SLX4IP: variants seen among roughly 807,000 people sequenced by gnomAD.
SLX4IP encodes the protein SLX4 interacting protein.
A neutral mutation model predicts 32.9 loss-of-function variants in SLX4IP; 34 were observed. That is an observed-to-expected ratio of 1.03 (90% CI 0.79 to 1.38). SLX4IP has a LOEUF of 1.38. SLX4IP is among the 40% of genes most tolerant of loss of function. SLX4IP has a pLI of 0.00. For synonymous variants in SLX4IP, 172 were observed against 171.7 expected, an observed-to-expected ratio of 1.00 and a Z score of -0.01; for missense variants, 444 against 479.0, an observed-to-expected ratio of 0.93 and a Z score of 0.68.
chr20:10,525,110 A>G (rs1361013097), intron 2 of SLX4IP, among the ~76,000 whole-genome samples: 1 of 152,232 alleles, frequency 6.6e-6, no homozygotes, highest in African/African-American at 2.4e-5. Context: ...AATCTTTACA[A>G]TCTGATCCAG....
At chr20:10,607,948 C>T (rs2066922884) in intron 6 of SLX4IP, among the ~76,000 whole-genome samples, 1 of 152,194 alleles carries the variant, frequency 6.6e-6, no homozygotes, top group Admixed American at 6.5e-5. Context: ...CCTCCCACCA[C>T]TGCCATTCCT....
chr20:10,478,056 G>A (rs922375950), intron 2 of SLX4IP, among the ~76,000 whole-genome samples: 9 of 151,860 alleles, frequency 5.9e-5, no homozygotes, highest in Admixed American at 3.3e-4. Context: ...ACTCTGCCAC[G>A]CCTGGCTAAT....
At chr20:10,458,921 C>A (rs1041310401) in intron 2 of SLX4IP, among the ~76,000 whole-genome samples, 1 of 152,178 alleles carries the variant, frequency 6.6e-6, no homozygotes, top group Non-Finnish European at 1.5e-5. Flanking sequence ...GCCTCTAGAT[C>A]TTTAGGGAAT....
intron 3 of SLX4IP, among the ~76,000 whole-genome samples, chr20:10,559,693 C>G (rs746277398): frequency 3.2e-4 from 48 of 152,008 alleles, no homozygotes; most frequent in Admixed American, 2.9e-3. Flanking sequence ...TTTTGTTTAC[C>G]TTTATTATAA....
At chr20:10,548,162 T>C (rs592429) in intron 2 of SLX4IP, among the ~76,000 whole-genome samples, 89,793 of 152,044 alleles carry the variant, frequency 0.59, 26,905 homozygotes, top group South Asian at 0.75. Flanking sequence ...ACTGGGGCAT[T>C]ATTAGAAGAG....
At chr20:10,588,256 G>A (rs1430605753) in intron 4 of SLX4IP, among the ~76,000 whole-genome samples, 2 of 152,142 alleles carry the variant, frequency 1.3e-5, no homozygotes, top group Non-Finnish European at 2.9e-5. Context: ...TATATGGAAA[G>A]GTGCTTAACG....
At chr20:10,512,778 CTATATATATATATATATATA>C (rs57942782) in intron 2 of SLX4IP, among the ~76,000 whole-genome samples, 6 of 25,656 alleles carry the variant, frequency 2.3e-4, no homozygotes, top group African/African-American at 3.2e-4. Context: ...CACACACACT[CTATATATATATATATATATA>C]TATATATATA....
intron 2 of SLX4IP, among the ~76,000 whole-genome samples, chr20:10,514,821 T>G (rs969523114): frequency 6.6e-6 from 1 of 152,106 alleles, no homozygotes; most frequent in Non-Finnish European, 1.5e-5. Context: ...CTTTATAGTT[T>G]TGTATTTTTT....
intron 2 of SLX4IP, among the ~76,000 whole-genome samples, chr20:10,497,095 C>G (rs879753981): frequency 1.3e-4 from 20 of 152,032 alleles, no homozygotes; most frequent in Admixed American, 2.0e-4. Context: ...ACTATTGTTT[C>G]AGGTATCCCA....
intron 4 of SLX4IP, 68 bp from the exon 5 acceptor site, chr20:10,598,607 C>G: frequency 7.1e-7 from 1 of 1,413,802 alleles, no homozygotes. Flanking sequence ...ATGGCAGGCA[C>G]TGGGCTGAAC....
intron 6 of SLX4IP, among the ~76,000 whole-genome samples, chr20:10,619,622 GC>G (rs1419018850): frequency 6.6e-6 from 1 of 152,108 alleles, no homozygotes; most frequent in African/African-American, 2.4e-5. Flanking sequence ...ATAGCAAAAG[GC>G]TTTCTGGTTC....
intron 2 of SLX4IP, among the ~76,000 whole-genome samples, chr20:10,483,730 C>T (rs959110106): frequency 2.6e-5 from 4 of 152,008 alleles, no homozygotes; most frequent in African/African-American, 4.8e-5. Flanking sequence ...TCAGGCCATG[C>T]GACCCCAAAG....
chr20:10,505,441 A>G (rs1453754545), intron 2 of SLX4IP, among the ~76,000 whole-genome samples: 1 of 152,224 alleles, frequency 6.6e-6, no homozygotes, highest in Admixed American at 6.5e-5. Context: ...TGGAAAAGAC[A>G]TAGGAGACAG....
chr20:10,485,731 T>A (rs2065566936), intron 2 of SLX4IP, among the ~76,000 whole-genome samples: 1 of 152,156 alleles, frequency 6.6e-6, no homozygotes, highest in Non-Finnish European at 1.5e-5. Flanking sequence ...TAACACATAT[T>A]TTTATGTTAT....
At chr20:10,498,685 T>TTTTC (rs1491284805) in intron 2 of SLX4IP, among the ~76,000 whole-genome samples, 8 of 15,108 alleles carry the variant, frequency 5.3e-4, no homozygotes, top group Admixed American at 5.2e-3. Context: ...TTTTCTTTTC[T>TTTTC]TTTTTTTTTT....
At chr20:10,501,941 T>G (rs1170579690) in intron 2 of SLX4IP, among the ~76,000 whole-genome samples, 1 of 152,236 alleles carries the variant, frequency 6.6e-6, no homozygotes, top group Non-Finnish European at 1.5e-5. Flanking sequence ...TTGCTTACAG[T>G]ACTCTGATGA....
intron 2 of SLX4IP, among the ~76,000 whole-genome samples, chr20:10,534,865 G>A (rs546871581): frequency 6.6e-6 from 1 of 152,284 alleles, no homozygotes; most frequent in Admixed American, 6.5e-5. Flanking sequence ...TGAAAATCAA[G>A]ATAATTTTTA....
At chr20:10,590,071 T>C (rs2066689165) in intron 4 of SLX4IP, among the ~76,000 whole-genome samples, 1 of 152,158 alleles carries the variant, frequency 6.6e-6, no homozygotes, top group Non-Finnish European at 1.5e-5. Context: ...TTGACTGGAA[T>C]TGTCTGGTAC....
At chr20:10,442,750 C>T (rs1243411782) in intron 1 of SLX4IP, among the ~76,000 whole-genome samples, 1 of 152,072 alleles carries the variant, frequency 6.6e-6, no homozygotes, top group Non-Finnish European at 1.5e-5. Context: ...ACTTTGAGGG[C>T]CTAGGAAAAT....
Sources: allele counts gnomAD v4.1 joint callset (sites outside exome capture counted in the v4.1 genomes callset), GRCh38; gene constraint gnomAD v4.1.1; transcripts MANE v1.5; gene names NCBI Gene and HGNC (gene_info 2026-07-23, HGNC 2026-07-21).